Variants in PIK3C2G observed in about 807,000 individuals in gnomAD.
PIK3C2G encodes the protein phosphatidylinositol 3-kinase C2 domain-containing subunit gamma.
In PIK3C2G, 168 loss-of-function variants were observed where a neutral mutation model predicts 181.1. The ratio of observed to expected loss-of-function variants is 0.93; its 90% confidence interval spans 0.82 to 1.05. The LOEUF (loss-of-function observed/expected upper bound fraction) is 1.05, where lower values mean the gene tolerates loss of function less well. PIK3C2G is among the 50% of genes least tolerant of loss of function. The probability of loss-of-function intolerance (pLI) is 0.00; values close to 1 mark genes in which losing one functional copy is unlikely to be tolerated. For synonymous variants in PIK3C2G, 573 were observed against 592.2 expected, an observed-to-expected ratio of 0.97 and a Z score of 0.47; for missense variants, 1,869 against 1,732.8, an observed-to-expected ratio of 1.08 and a Z score of -1.40.
In PIK3C2G at chr12:18,293,642, C is replaced by T. The variant is rs150408237; in HGVS notation, c.920-259C>T. On this transcript the variant is annotated intron_variant, in intron 4 of 32. Transcript: ENST00000538779. ...AACTGCAGTGTACCAAGGGCTTTAA[C>T]ATGAGAAACACAATACCTAGCTTTG... Among the ~76,000 whole-genome samples the T allele has an allele frequency of 2.2e-3, 340 of 152,276 alleles. 2 individuals carry two copies. Among genetic ancestry groups the T allele is most frequent in the African/African-American group, 5.6e-3 (233 of 41,560 alleles).
At chr12:18,330,077 C>G (rs1354026510) in intron 8 of PIK3C2G, among the ~76,000 whole-genome samples, 3 of 151,862 alleles carry the variant, frequency 2.0e-5, no homozygotes, top group African/African-American at 7.3e-5. Flanking sequence ...TTTACCCTTC[C>G]TTCAGTTATG....
At chr12:18,652,247 C>T (rs1950550153), downstream of PIK3C2G, among the ~76,000 whole-genome samples, 1 of 151,996 alleles carries the variant, frequency 6.6e-6, no homozygotes, top group South Asian at 2.1e-4. Context: ...TCGCCAGTCC[C>T]ATATACCAGT....
intron 11 of PIK3C2G, among the ~76,000 whole-genome samples, chr12:18,349,084 G>C (rs1464472361): frequency 6.6e-6 from 1 of 152,182 alleles, no homozygotes; most frequent in Non-Finnish European, 1.5e-5. Context: ...TCCAAGGAAT[G>C]AGAGAGAGTC....
chr12:18,246,149 T>C (rs1948037804), upstream of PIK3C2G, among the ~76,000 whole-genome samples: 1 of 152,084 alleles, frequency 6.6e-6, no homozygotes, highest in African/African-American at 2.4e-5. Context: ...TTTTGCAAAA[T>C]CAAACCACAA....
intron 29 of PIK3C2G, among the ~76,000 whole-genome samples, chr12:18,580,199 G>A (rs1946428999): frequency 6.6e-6 from 1 of 151,824 alleles, no homozygotes; most frequent in Non-Finnish European, 1.5e-5. Flanking sequence ...AATGATAGCA[G>A]TACCTAAATA....
intron 13 of PIK3C2G, among the ~76,000 whole-genome samples, chr12:18,379,303 G>A (rs1300153607): frequency 7.0e-6 from 1 of 141,904 alleles, no homozygotes; most frequent in Non-Finnish European, 1.5e-5. Context: ...TCATAGGTGG[G>A]AATTGAACAA....
At chr12:18,354,661 C>A (rs1940549355) in intron 11 of PIK3C2G, among the ~76,000 whole-genome samples, 1 of 152,170 alleles carries the variant, frequency 6.6e-6, no homozygotes, top group Non-Finnish European at 1.5e-5. Flanking sequence ...CATAATTTGG[C>A]CAAACCTTTG....
At chr12:18,487,387 T>C (rs1432049408) in intron 18 of PIK3C2G, among the ~76,000 whole-genome samples, 4 of 152,048 alleles carry the variant, frequency 2.6e-5, no homozygotes, top group Non-Finnish European at 5.9e-5. Context: ...AGATGCAAAA[T>C]TAGGCATGCA....
upstream of PIK3C2G, among the ~76,000 whole-genome samples, chr12:18,258,951 G>A (rs1302207275): frequency 6.6e-6 from 1 of 152,084 alleles, no homozygotes; most frequent in Non-Finnish European, 1.5e-5. Context: ...CAGCAATGCA[G>A]TTAGCACTTA....
chr12:18,608,673 G>A (rs1233115988), intron 30 of PIK3C2G, among the ~76,000 whole-genome samples: 2 of 152,098 alleles, frequency 1.3e-5, no homozygotes, highest in Non-Finnish European at 1.5e-5. Context: ...AAACCTGCAC[G>A]TTGTGCACAT....
At chr12:18,399,566 G>T in intron 15 of PIK3C2G, 93 bp from the exon 16 acceptor site, 2 of 628,910 alleles carry the variant, frequency 3.2e-6, no homozygotes, top group Non-Finnish European at 5.1e-6. Context: ...AAAATTCAAA[G>T]AACTACAGTA....
chr12:18,513,042 G>A (rs868667765), intron 24 of PIK3C2G, among the ~76,000 whole-genome samples: 31 of 151,762 alleles, frequency 2.0e-4, no homozygotes, highest in African/African-American at 7.0e-4. Context: ...TCTGCATCCA[G>A]TGAGATGATG....
intron 26 of PIK3C2G, among the ~76,000 whole-genome samples, chr12:18,554,347 C>T (rs1377511155): frequency 6.6e-6 from 1 of 152,042 alleles, no homozygotes; most frequent in Non-Finnish European, 1.5e-5. Flanking sequence ...CATCTACATG[C>T]TTATAGCTGT....
At chr12:18,276,850 T>C (rs950667711) in intron 1 of PIK3C2G, among the ~76,000 whole-genome samples, 1 of 152,150 alleles carries the variant, frequency 6.6e-6, no homozygotes. Context: ...AAAGTCAATA[T>C]CTCTCAAAAA....
the PIK3C2G span, among the ~76,000 whole-genome samples, chr12:18,665,954 T>C: frequency 1.8e-4 from 27 of 149,142 alleles, no homozygotes; most frequent in Admixed American, 1.3e-4. Flanking sequence ...AAAAAACTAG[T>C]TGGGCGTGGT....
intron 31 of PIK3C2G, among the ~76,000 whole-genome samples, chr12:18,628,540 T>C (rs1328922712): frequency 6.6e-6 from 1 of 152,228 alleles, no homozygotes; most frequent in Non-Finnish European, 1.5e-5. Context: ...TAATTATTCA[T>C]GTACTTAAAA....
intron 29 of PIK3C2G, among the ~76,000 whole-genome samples, chr12:18,572,101 G>A (rs867615657): frequency 7.1e-6 from 1 of 141,228 alleles, no homozygotes; most frequent in African/African-American, 2.9e-5. Context: ...AATGATACAA[G>A]GTCCTTAGAG....
At chr12:18,425,295 T>A (rs936537272) in intron 18 of PIK3C2G, among the ~76,000 whole-genome samples, 1 of 152,024 alleles carries the variant, frequency 6.6e-6, no homozygotes, top group African/African-American at 2.4e-5. Context: ...TGACATTACA[T>A]TAGGAATTGG....
Position 18,321,899 on chromosome 12 carries a change from T to C in PIK3C2G, c.1208+867T>C, listed in dbSNP as rs967774580. On this transcript the variant is annotated intron_variant, in intron 7 of 32. Coordinates refer to ENST00000538779, the MANE Select transcript of PIK3C2G (RefSeq NM_001288772.2). ...GTGGGAGCTGAACAATGAGAACACA[T>C]GGACACAGGGAGGGGAACAACACAC... Among the ~76,000 whole-genome samples the C allele has an allele frequency of 2.6e-5, 4 of 151,958 alleles. No individual in the cohort carries two copies. The South Asian group carries it at 6.2e-4, about 24-fold the overall frequency.
Sources: gnomAD v4.1 joint callset for allele counts (sites outside exome capture counted in the v4.1 genomes callset) on GRCh38, gnomAD v4.1.1 for gene constraint, MANE v1.5 for transcripts, NCBI Gene and HGNC (gene_info 2026-07-23, HGNC 2026-07-21) for gene names.